The following EPHA4 variants were observed in gnomAD, a reference collection of about 807,000 sequenced individuals.
The protein encoded by EPHA4 is EPH receptor A4.
In EPHA4, 19 loss-of-function variants were observed where a neutral mutation model predicts 108.3. The ratio of observed to expected loss-of-function variants is 0.18; its 90% CI spans 0.12 to 0.26. EPHA4 has a LOEUF of 0.26. Ranked by LOEUF, EPHA4 falls within the 10% of genes least tolerant of loss-of-function variation. The pLI is 1.00. For missense variants in EPHA4, 917 were observed against 1,254.0 expected (o/e 0.73, Z 4.06); for synonymous variants, 449 against 455.5 (o/e 0.99, Z 0.18).
At chr2:221,561,305 C>T (rs1694456458) in intron 3 of EPHA4, among the ~76,000 whole-genome samples, 1 of 152,024 alleles carries the variant, frequency 6.6e-6, no homozygotes, top group South Asian at 2.1e-4. Context: ...CTTTGTCATT[C>T]AAGTTTTTTC....
intron 1 of EPHA4, among the ~76,000 whole-genome samples, chr2:221,570,788 G>GTGGA (rs201417532): frequency 0.015 from 2,332 of 152,150 alleles, 63 homozygotes; most frequent in African/African-American, 0.053. Context: ...AGATGAATGG[G>GTGGA]TGGATGGATG....
intron 3 of EPHA4, among the ~76,000 whole-genome samples, chr2:221,526,832 A>G (rs1003021148): frequency 8.4e-6 from 1 of 118,372 alleles, no homozygotes; most frequent in African/African-American, 3.2e-5. Context: ...CAGCCTGGGC[A>G]ATATAGCCAG....
At chr2:221,483,750 T>C (rs566188180) in intron 4 of EPHA4, among the ~76,000 whole-genome samples, 1 of 152,264 alleles carries the variant, frequency 6.6e-6, no homozygotes, top group Admixed American at 6.5e-5. Context: ...TCGGCCTACC[T>C]TGGCCTCCCA....
intron 4 of EPHA4, among the ~76,000 whole-genome samples, chr2:221,489,040 T>C (rs1371415900): frequency 6.6e-6 from 1 of 152,222 alleles, no homozygotes; most frequent in East Asian, 1.9e-4. Context: ...GCCTTAATAA[T>C]GTCATTTAAA....
chr2:221,569,545 G>C (rs183978667), intron 1 of EPHA4: 1 of 152,194 alleles, frequency 6.6e-6, no homozygotes, highest in South Asian at 2.1e-4. Flanking sequence ...GTCAAAGCTT[G>C]GGGGGAAGGG....
chr2:221,484,572 T>G (rs1691926348), intron 4 of EPHA4, among the ~76,000 whole-genome samples: 2 of 152,228 alleles, frequency 1.3e-5, no homozygotes, highest in Non-Finnish European at 2.9e-5. Flanking sequence ...CTTGTTTAGA[T>G]TTCAAAACTG....
chr2:221,439,602 C>T (rs1040385744), intron 11 of EPHA4, among the ~76,000 whole-genome samples: 1 of 151,994 alleles, frequency 6.6e-6, no homozygotes, highest in African/African-American at 2.4e-5. Flanking sequence ...ATCCTCCTGC[C>T]TCAGCCTCTT....
intron 5 of EPHA4, among the ~76,000 whole-genome samples, chr2:221,476,705 A>G (rs1187695684): frequency 6.6e-6 from 1 of 152,152 alleles, no homozygotes; most frequent in African/African-American, 2.4e-5. Flanking sequence ...CTTTCCTCTT[A>G]CTATCTAGAA....
At chr2:221,439,504 A>G (rs1372590820) in intron 11 of EPHA4, among the ~76,000 whole-genome samples, 5 of 150,016 alleles carry the variant, frequency 3.3e-5, no homozygotes, top group Non-Finnish European at 5.9e-5. Context: ...TTTTTTTTTT[A>G]AGAGACAGGG....
At chr2:221,559,820 CT>C (rs1694406505) in intron 3 of EPHA4, among the ~76,000 whole-genome samples, 1 of 152,204 alleles carries the variant, frequency 6.6e-6, no homozygotes, top group African/African-American at 2.4e-5. Context: ...GGGCTGCTAA[CT>C]CCTGCGATAC....
chr2:221,572,396 C>A (rs1348334674), upstream of EPHA4: 27 of 628,438 alleles, frequency 4.3e-5, no homozygotes, highest in Non-Finnish European at 6.8e-5. Flanking sequence ...CGGCCAATGG[C>A]GGCGCAGACA....
At chr2:221,514,998 C>T (rs538701309) in intron 3 of EPHA4, among the ~76,000 whole-genome samples, 21 of 152,254 alleles carry the variant, frequency 1.4e-4, no homozygotes, top group African/African-American at 4.8e-4. Flanking sequence ...TCTTACTCAT[C>T]CCAAGCAGAT....
At position 221,427,598 on chromosome 2, in the gene EPHA4, T is replaced by C. The variant is rs73086000; in HGVS notation, c.2691-979A>G. On this transcript the variant is annotated intron_variant, in intron 15 of 17. Coordinates refer to ENST00000281821, the MANE Select transcript of EPHA4 (RefSeq NM_004438.5). ...TAGAAAAATACTGCTACTTGTTAAG[T>C]CATAGTTTTTGAACTTCTGTTTTTC... Among the ~76,000 whole-genome samples, 1,009 of 152,304 alleles carry C rather than the reference T, an allele frequency of 6.6e-3. 13 individuals are homozygous for C. The highest frequency in any genetic ancestry group is 0.023 in the African/African-American group (957 of 41,558).
At chr2:221,442,698 T>C in intron 11 of EPHA4, 131 bp downstream of exon 11, 1 of 877,666 alleles carries the variant, frequency 1.1e-6, no homozygotes, top group Non-Finnish European at 1.7e-6. Flanking sequence ...ATTAATGACT[T>C]GTCCTGCACT....
At chr2:221,521,151 A>G (rs1367807390) in intron 3 of EPHA4, among the ~76,000 whole-genome samples, 3 of 152,242 alleles carry the variant, frequency 2.0e-5, no homozygotes, top group Admixed American at 6.5e-5. Context: ...ATTCTTCCCT[A>G]TTCTCAACCC....
At chr2:221,525,315 G>C (rs1574634340) in intron 3 of EPHA4, among the ~76,000 whole-genome samples, 1 of 152,184 alleles carries the variant, frequency 6.6e-6, no homozygotes, top group Non-Finnish European at 1.5e-5. Context: ...TGTAGATTAA[G>C]TTAAAAGGTT....
chr2:221,526,117 AC>A (rs1282734017), intron 3 of EPHA4, among the ~76,000 whole-genome samples: 1 of 152,238 alleles, frequency 6.6e-6, no homozygotes, highest in Non-Finnish European at 1.5e-5. Flanking sequence ...ATAAGGAAAC[AC>A]ATTATTCCCA....
chr2:221,567,452 CT>C (rs773632775), intron 2 of EPHA4, among the ~76,000 whole-genome samples: 11 of 152,124 alleles, frequency 7.2e-5, no homozygotes, highest in Non-Finnish European at 1.6e-4. Context: ...TGAATACAGC[CT>C]GTCTACACTG....
intron 14 of EPHA4, among the ~76,000 whole-genome samples, chr2:221,433,201 G>A (rs1483389672): frequency 6.6e-6 from 1 of 152,192 alleles, no homozygotes; most frequent in Non-Finnish European, 1.5e-5. Flanking sequence ...TGTCAAGGCT[G>A]TGCAACTGCC....
Sources: allele counts gnomAD v4.1 joint callset (sites outside exome capture counted in the v4.1 genomes callset), GRCh38; gene constraint gnomAD v4.1.1; transcripts MANE v1.5; gene names NCBI Gene and HGNC (gene_info 2026-07-23, HGNC 2026-07-21).